The following BNC2 variants were observed in gnomAD, a reference collection of about 807,000 sequenced individuals.
BNC2 encodes the protein basonuclin zinc finger protein 2.
Under a neutral mutation model 76.3 loss-of-function variants are expected in BNC2, and 20 were observed. That is an observed-to-expected ratio of 0.26 (90% CI 0.18 to 0.38). BNC2 has a LOEUF of 0.38. BNC2 is among the 10% of genes least tolerant of loss of function. The pLI, the probability that BNC2 is intolerant of heterozygous loss-of-function variation, is 1.00. For missense variants in BNC2, 1,382 were observed against 1,399.8 expected (o/e 0.99, Z 0.20); for synonymous variants, 582 against 514.8 (o/e 1.13, Z -1.77).
At position 16,858,724 on chromosome 9, in the gene BNC2, T is replaced by C. The variant is rs577681416; in HGVS notation, c.3+11922A>G. The stretch of plus-strand genomic sequence containing the variant: ...AGCCAGGCATGGTGGCGGGTGCCTG[T>C]AGTCCCAGCTACTCGGGAGGCTGAG... On this transcript the variant is annotated intron_variant, in intron 1 of 6. Transcript: ENST00000380672. Among the ~76,000 whole-genome samples, 1,163 of 132,604 alleles carry C rather than the reference T, an allele frequency of 8.8e-3. 8 individuals are homozygous for C. The highest frequency in any genetic ancestry group is 0.016 in the Middle Eastern group (4 of 258). 87.0% of individuals were successfully genotyped at this position (132,604 alleles called of 152,430 possible). A position where few individuals can be genotyped will look rare whatever the true frequency, so the allele number is the denominator to read the frequency against.
intron 5 of BNC2, among the ~76,000 whole-genome samples, chr9:16,534,501 T>C (rs1818071702): frequency 6.6e-6 from 1 of 152,176 alleles, no homozygotes; most frequent in Non-Finnish European, 1.5e-5. Context: ...TCATTTATCA[T>C]ACTTAATAGT....
chr9:16,864,719 C>A (rs1053194579), intron 1 of BNC2, among the ~76,000 whole-genome samples: 6 of 152,168 alleles, frequency 3.9e-5, no homozygotes, highest in African/African-American at 1.4e-4. Context: ...GCAGCATGCA[C>A]GACAATAGTC....
intron 3 of BNC2, among the ~76,000 whole-genome samples, chr9:16,700,362 C>T (rs1046865345): frequency 3.3e-5 from 5 of 152,162 alleles, no homozygotes; most frequent in Middle Eastern, 6.8e-3. Flanking sequence ...CCCATATCTA[C>T]AAAAAATTAG....
chr9:16,462,997 C>T (rs1268244993), intron 5 of BNC2, among the ~76,000 whole-genome samples: 1 of 152,104 alleles, frequency 6.6e-6, no homozygotes, highest in Non-Finnish European at 1.5e-5. Context: ...TGATCATTTC[C>T]CCCGCAGCCC....
intron 5 of BNC2, among the ~76,000 whole-genome samples, chr9:16,506,511 C>CTTTTTTTTTT (rs1563814965): frequency 4.9e-5 from 4 of 81,428 alleles, no homozygotes; most frequent in African/African-American, 2.2e-4. Flanking sequence ...TCTCTCTCTC[C>CTTTTTTTTTT]TCTTTTTTTT....
rs540043080 is a variant in BNC2 at position 16,606,912 on chromosome 9, T to G, written c.331-23827A>C. 2.8e-4 allele frequency among the ~76,000 whole-genome samples: 42 copies of G among 152,288 alleles called. 1 individual carries two copies. The South Asian group carries it at 5.2e-3, about 19-fold the overall frequency. ...TTTATCTGCACAAGCTCCTTTGGCC[T>G]GCGGCCATCCACATAATGTGTGACT... On this transcript the variant is annotated intron_variant, in intron 3 of 6. Transcript: ENST00000380672.
intron 4 of BNC2, among the ~76,000 whole-genome samples, chr9:16,578,214 C>T (rs1447124865): frequency 6.6e-6 from 1 of 152,088 alleles, no homozygotes; most frequent in African/African-American, 2.4e-5. Flanking sequence ...AACAATTTTC[C>T]AGTTGTACTG....
At chr9:16,644,210 A>G (rs1027895822) in intron 3 of BNC2, among the ~76,000 whole-genome samples, 12 of 152,220 alleles carry the variant, frequency 7.9e-5, no homozygotes, top group Non-Finnish European at 1.6e-4. Flanking sequence ...CAATTTATCA[A>G]TGGAGTCAAG....
At chr9:16,646,503 T>C (rs909993722) in intron 3 of BNC2, among the ~76,000 whole-genome samples, 3 of 152,124 alleles carry the variant, frequency 2.0e-5, no homozygotes, top group Non-Finnish European at 2.9e-5. Context: ...ACATAGTACA[T>C]ACTGTATGAT....
intron 5 of BNC2, among the ~76,000 whole-genome samples, chr9:16,509,698 T>G (rs748435841): frequency 6.6e-6 from 1 of 152,220 alleles, no homozygotes; most frequent in Non-Finnish European, 1.5e-5. Context: ...ACCTGTCAAA[T>G]TTCTATTCAG....
At position 16,436,110 on chromosome 9, in the gene BNC2, T is replaced by A; in HGVS notation, c.2084A>T (p.Asn695Ile). 1 of 1,614,144 alleles carries A rather than the reference T, an allele frequency of 6.2e-7. No individual in the cohort carries two copies. The highest frequency in any genetic ancestry group is 1.1e-5 in the South Asian group (1 of 91,068). The change falls in exon 6 of 7, where the codon AAC becomes ATC. Residue 695 changes from asparagine (N) to isoleucine (I), a missense_variant. Asn to Ile is a moderately radical substitution (Grantham distance 149). Transcript: ENST00000380672. ...GMSVKDFSKH[N>I]RTRCISRTEI... The stretch of plus-strand genomic sequence containing the variant: ...AGTCCTTGAAATGCACCGGGTCCTG[T>A]TATGCTTAGAAAAGTCCTTCACAGA...
intron 1 of BNC2, among the ~76,000 whole-genome samples, chr9:16,764,691 T>C (rs764849318): frequency 1.3e-5 from 2 of 151,780 alleles, no homozygotes; most frequent in Admixed American, 6.6e-5. Flanking sequence ...ATGTACTAGC[T>C]CATTAATGTG....
In BNC2 at chr9:16,552,554, G is replaced by C; in HGVS notation, c.645C>G (p.Asp215Glu). ...CCTGAAGGATGTATCCTCGGACATAGTCCCGCAGAGTCCAGCCAAGGCCGT... is the reference window on the plus strand; with the variant it reads ...CCTGAAGGATGTATCCTCGGACATACTCCCGCAGAGTCCAGCCAAGGCCGT... Reference protein sequence around the residue: ...ILHGLGWTLRDYVRGYILQDA... With the variant: ...ILHGLGWTLREYVRGYILQDA... Residue 215 changes from aspartate to glutamate, a missense_variant, in exon 5 of 7, where the codon GAC becomes GAG. Transcript: ENST00000380672. 1.2e-6 allele frequency: 2 copies of C among 1,614,234 alleles called. No individual in the cohort carries two copies. Among genetic ancestry groups the C allele is most frequent in the Non-Finnish European group, 1.7e-6 (2 of 1,180,026 alleles).
chr9:16,502,592 GA>G (rs977356448), intron 5 of BNC2, among the ~76,000 whole-genome samples: 2 of 151,906 alleles, frequency 1.3e-5, no homozygotes, highest in African/African-American at 4.8e-5. Context: ...TGGCTTACTT[GA>G]AGAATATCAT....
chr9:16,550,313 A>C (rs1818619692), intron 5 of BNC2, among the ~76,000 whole-genome samples: 1 of 152,176 alleles, frequency 6.6e-6, no homozygotes, highest in Non-Finnish European at 1.5e-5. Flanking sequence ...TGTGTGGCCC[A>C]AAACAATTCT....
At chr9:16,778,626 C>T (rs1346545859) in intron 1 of BNC2, among the ~76,000 whole-genome samples, 1 of 152,184 alleles carries the variant, frequency 6.6e-6, no homozygotes, top group East Asian at 1.9e-4. Flanking sequence ...AAGGAACAAG[C>T]ACACTTCTAG....
chr9:16,698,047 C>A (rs1016644099), intron 3 of BNC2, among the ~76,000 whole-genome samples: 1 of 152,144 alleles, frequency 6.6e-6, no homozygotes, highest in Non-Finnish European at 1.5e-5. Flanking sequence ...TATCCTGCTG[C>A]CTACTTTTGT....
At chr9:16,737,697 T>C (rs1356782170) in intron 2 of BNC2, among the ~76,000 whole-genome samples, 2 of 152,154 alleles carry the variant, frequency 1.3e-5, no homozygotes, top group Admixed American at 1.3e-4. Context: ...CAAATGTTCA[T>C]GAACTTAGAG....
At chr9:16,845,753 A>G (rs941694097) in intron 1 of BNC2, among the ~76,000 whole-genome samples, 15 of 152,264 alleles carry the variant, frequency 9.9e-5, no homozygotes, top group African/African-American at 3.6e-4. Context: ...GGAAAATTAT[A>G]CCAAGAATCC....
Sources: allele counts gnomAD v4.1 joint callset (sites outside exome capture counted in the v4.1 genomes callset), GRCh38; gene constraint gnomAD v4.1.1; transcripts MANE v1.5; gene names NCBI Gene and HGNC (gene_info 2026-07-23, HGNC 2026-07-21).